Variants in SPATA13 observed in about 807,000 individuals in gnomAD.
SPATA13 encodes the protein spermatogenesis-associated protein 13.
SPATA13 carries 50 observed loss-of-function variants against 104.0 expected under a neutral mutation model. The ratio of observed to expected loss-of-function variants is 0.48; its 90% CI spans 0.38 to 0.61. The LOEUF (loss-of-function observed/expected upper bound fraction) is 0.61. SPATA13 is among the 20% of genes least tolerant of loss of function. The pLI, the probability that SPATA13 is intolerant of heterozygous loss-of-function variation, is 0.00. For synonymous variants in SPATA13, 606 were observed against 667.5 expected (o/e 0.91, Z 1.42); for missense variants, 1,524 against 1,690.6 (o/e 0.90, Z 1.73).
At chr13:24,285,790 C>T (rs1593499688) in intron 5 of SPATA13, among the ~76,000 whole-genome samples, 1 of 151,650 alleles carries the variant, frequency 6.6e-6, no homozygotes, top group Non-Finnish European at 1.5e-5. Flanking sequence ...AAGTGATTCT[C>T]CAGCCTCAGC....
chr13:24,091,493 C>A (rs1436948444), intron 3 of SPATA13, among the ~76,000 whole-genome samples: 2 of 152,166 alleles, frequency 1.3e-5, no homozygotes, highest in Non-Finnish European at 2.9e-5. Context: ...TGAGTAAGGT[C>A]AAATGAAGAC....
rs117325722 is a variant in SPATA13, at chr13:24,070,762, C to T, written c.-112+53061C>T. Among the ~76,000 whole-genome samples the T allele has an allele frequency of 3.6e-3, 549 of 152,238 alleles. 15 individuals are homozygous for T. In the East Asian group the frequency reaches 0.062, roughly 17 times the overall value. ...ATAGAACGGAAGGCTGACCCTCCCC[C>T]AAGTAATGAAGAATTCCCCCTCCCT... On this transcript the variant is annotated intron_variant, in intron 3 of 14. Transcript: ENST00000424834.
At chr13:24,284,884 C>G (rs1404609201) in intron 5 of SPATA13, among the ~76,000 whole-genome samples, 1 of 152,150 alleles carries the variant, frequency 6.6e-6, no homozygotes, top group African/African-American at 2.4e-5. Flanking sequence ...TGGTTATTAT[C>G]CACATTTTCA....
chr13:24,082,111 C>A (rs1208942660), intron 3 of SPATA13, among the ~76,000 whole-genome samples: 1 of 152,270 alleles, frequency 6.6e-6, no homozygotes, highest in Non-Finnish European at 1.5e-5. Context: ...CTGCCACTTA[C>A]TGCAATCTAC....
At chr13:24,142,037 G>A (rs1881779258) in intron 3 of SPATA13, among the ~76,000 whole-genome samples, 1 of 151,856 alleles carries the variant, frequency 6.6e-6, no homozygotes, top group Non-Finnish European at 1.5e-5. Context: ...AATCCATCAA[G>A]CTTTCAATAA....
chr13:24,136,124 A>G (rs1190115997), intron 3 of SPATA13, among the ~76,000 whole-genome samples: 1 of 152,154 alleles, frequency 6.6e-6, no homozygotes, highest in Non-Finnish European at 1.5e-5. Flanking sequence ...TATTAACAGG[A>G]AATAATTCAT....
In SPATA13 at chr13:24,251,859, A is replaced by G; in HGVS notation, c.2161A>G (p.Asn721Asp). 1.9e-6 allele frequency: 3 copies of G among 1,613,412 alleles called. No homozygotes were observed. The highest frequency in any genetic ancestry group is 2.5e-6 in the Non-Finnish European group (3 of 1,179,560). ...ACGCCGGCGGCAGATGAGAGCATCC[A>G]ACGGTGAGTCTCAGAGTCCCTTTCC... ...VGRRRQMRASNVSSDGGTEPS... is the reference protein window; with the variant it reads ...VGRRRQMRASDVSSDGGTEPS... Residue 721 changes from asparagine to aspartate, a missense_variant, in exon 4 of 13, where the codon AAC (asparagine) becomes GAC (aspartate). By Grantham distance (23) the Asn-to-Asp change is conservative (BLOSUM62 1). This residue lies in a region of SPATA13 where 1,089 missense variants were observed against 1,135.9 expected (regional missense o/e 0.96). Transcript: ENST00000382108.
At chr13:24,191,497 CTTTCTT>C (rs1027839276) in intron 1 of SPATA13, among the ~76,000 whole-genome samples, 1 of 119,904 alleles carries the variant, frequency 8.3e-6, no homozygotes, top group African/African-American at 3.2e-5. Flanking sequence ...CTATACATTG[CTTTCTT>C]TTTTTTTTTT....
chr13:24,218,708 G>T (rs530902729), intron 1 of SPATA13, among the ~76,000 whole-genome samples: 194 of 138,542 alleles, frequency 1.4e-3, no homozygotes, highest in Non-Finnish European at 2.1e-3. Flanking sequence ...ATTATGAGGG[G>T]TTTTTTTTTT....
chr13:24,120,198 G>A (rs544517457), intron 3 of SPATA13, among the ~76,000 whole-genome samples: 2 of 150,280 alleles, frequency 1.3e-5, no homozygotes, highest in South Asian at 4.2e-4. Context: ...TTCCGCCTCT[G>A]AAAAAAAAAT....
chr13:24,295,113 C>G (rs934189424), intron 10 of SPATA13, among the ~76,000 whole-genome samples: 6 of 152,188 alleles, frequency 3.9e-5, no homozygotes, highest in East Asian at 3.8e-4. Flanking sequence ...TGCTGAGCCT[C>G]TCTCTCTCCT....
chr13:24,060,314 G>A (rs1878728540), intron 3 of SPATA13, among the ~76,000 whole-genome samples: 1 of 152,186 alleles, frequency 6.6e-6, no homozygotes, highest in Admixed American at 6.5e-5. Flanking sequence ...TGACAAAGCT[G>A]ACAGAAACAA....
intron 1 of SPATA13, among the ~76,000 whole-genome samples, chr13:24,191,470 G>A (rs1333738011): frequency 7.0e-6 from 1 of 142,590 alleles, no homozygotes; most frequent in Non-Finnish European, 1.5e-5. Context: ...AGGCATGGCT[G>A]TATCTCCTCT....
At position 24,292,283 on chromosome 13, in the gene SPATA13, A is replaced by G. The variant is rs118120495; in HGVS notation, c.3080+1399A>G. Among the ~76,000 whole-genome samples, 273 of 152,356 alleles carry G rather than the reference A, an allele frequency of 1.8e-3. 2 individuals are homozygous for G. The highest frequency in any genetic ancestry group is 3.4e-3 in the Middle Eastern group (1 of 294). ...ATTTTCCATGCCATGGGAAAATGTC[A>G]TCACAGCACAGCCCAGCTGTTGGGT... On this transcript the variant is annotated intron_variant, in intron 9 of 12. Transcript: ENST00000382108.
rs190344414 is a variant in SPATA13, at chr13:24,058,963, G to A, written c.-112+41262G>A. Among the ~76,000 whole-genome samples the A allele has an allele frequency of 5.4e-3, 799 of 147,066 alleles. 12 individuals carry two copies. The highest frequency in any genetic ancestry group is 0.018 in the African/African-American group (745 of 40,784). ...GGACAAGAGCCATGGTCTGTGTATT[G>A]TTTTTTGTTTTGTTTTGTTTTGTTT... On this transcript the variant is annotated intron_variant, in intron 3 of 14. Transcript: ENST00000424834.
chr13:24,109,093 A>G (rs1248275008), intron 3 of SPATA13, among the ~76,000 whole-genome samples: 1 of 152,066 alleles, frequency 6.6e-6, no homozygotes, highest in African/African-American at 2.4e-5. Flanking sequence ...ATTTCTCCTA[A>G]TGCTATCCCT....
intron 3 of SPATA13, among the ~76,000 whole-genome samples, chr13:24,152,010 C>T (rs1882113172): frequency 6.6e-6 from 1 of 152,172 alleles, no homozygotes; most frequent in Non-Finnish European, 1.5e-5. Context: ...CTAAAGGTGG[C>T]AGGGCCTTCC....
rs188003432 is a variant in SPATA13 at position 24,261,166 on chromosome 13, G to A, written c.2164+9304G>A. On this transcript the variant is annotated intron_variant, in intron 4 of 12. Transcript: ENST00000382108. ...ATTCAGAGAGATCATTGGCTGGATC[G>A]TGGAGGACTGGAGACCTCGGGAGTC... Among the ~76,000 whole-genome samples, 322 of 152,318 alleles carry A rather than the reference G, an allele frequency of 2.1e-3. 3 individuals carry two copies. Among genetic ancestry groups the A allele is most frequent in the African/African-American group, 7.3e-3 (305 of 41,564 alleles).
intron 4 of SPATA13, among the ~76,000 whole-genome samples, chr13:24,271,718 G>A (rs1043667943): frequency 6.6e-6 from 1 of 152,182 alleles, no homozygotes; most frequent in African/African-American, 2.4e-5. Flanking sequence ...AACAGATCTT[G>A]TCTCTGTTTT....
Sources: allele counts gnomAD v4.1 joint callset (sites outside exome capture counted in the v4.1 genomes callset), GRCh38; gene constraint gnomAD v4.1.1; regional missense constraint gnomAD v4.1.1; transcripts MANE v1.5; gene names NCBI Gene and HGNC (gene_info 2026-07-23, HGNC 2026-07-21).